GNG7: variants seen among roughly 807,000 people sequenced by gnomAD.
GNG7 encodes the protein G protein subunit gamma 7, also known as guanine nucleotide-binding protein G(I)/G(S)/G(O) subunit gamma-7.
A neutral mutation model predicts 4.0 loss-of-function variants in GNG7; 1 was observed. The observed-to-expected ratio is 0.25, with a 90% CI of 0.09 to 1.18. The LOEUF (loss-of-function observed/expected upper bound fraction) is 1.18, where lower values mean the gene tolerates loss of function less well. GNG7 is among the 50% of genes most tolerant of loss of function. The pLI, the probability that GNG7 is intolerant of heterozygous loss-of-function variation, is 0.50. For missense variants in GNG7, 86 were observed against 91.9 expected (o/e 0.94, Z 0.26); for synonymous variants, 34 against 36.9 (o/e 0.92, Z 0.29).
chr19:2,697,622 G>A (rs148647108), intron 1 of GNG7, among the ~76,000 whole-genome samples: 49 of 152,308 alleles, frequency 3.2e-4, no homozygotes, highest in African/African-American at 8.9e-4. Flanking sequence ...AGAGGCGCCC[G>A]ACATCAACAA....
chr19:2,648,381 G>A (rs920566044), intron 1 of GNG7, among the ~76,000 whole-genome samples: 10 of 152,136 alleles, frequency 6.6e-5, no homozygotes, highest in South Asian at 2.1e-4. Context: ...GGGCAACAGA[G>A]CACGGCACTG....
intron 4 of GNG7, among the ~76,000 whole-genome samples, chr19:2,518,359 A>C (rs1431539168): frequency 6.6e-6 from 1 of 152,182 alleles, no homozygotes; most frequent in Non-Finnish European, 1.5e-5. Flanking sequence ...TCGTAAAAGG[A>C]AAACCACTTC....
At chr19:2,651,808 C>T (rs894387848) in intron 1 of GNG7, among the ~76,000 whole-genome samples, 1 of 151,822 alleles carries the variant, frequency 6.6e-6, no homozygotes, top group East Asian at 2.0e-4. Flanking sequence ...TCAGGCAATC[C>T]ACCTGCTTCG....
chr19:2,678,838 C>T (rs1362792545), intron 1 of GNG7, among the ~76,000 whole-genome samples: 1 of 152,030 alleles, frequency 6.6e-6, no homozygotes, highest in Non-Finnish European at 1.5e-5. Flanking sequence ...TTGCACCAGC[C>T]AACCCATCCT....
At chr19:2,625,716 G>T (rs1982003345) in intron 2 of GNG7, among the ~76,000 whole-genome samples, 1 of 152,228 alleles carries the variant, frequency 6.6e-6, no homozygotes, top group African/African-American at 2.4e-5. Context: ...AGGGTGAGCA[G>T]GTAGCGCCCT....
At chr19:2,540,120 CTCCT>C (rs112722136) in intron 3 of GNG7, among the ~76,000 whole-genome samples, 172 of 119,300 alleles carry the variant, frequency 1.4e-3, no homozygotes, top group African/African-American at 5.2e-3. Flanking sequence ...CTTTTCTTTT[CTCCT>C]TCCTTCCTTC....
At chr19:2,519,120 C>A (rs1418563514) in intron 4 of GNG7, among the ~76,000 whole-genome samples, 2 of 140,456 alleles carry the variant, frequency 1.4e-5, no homozygotes, top group African/African-American at 5.2e-5. Flanking sequence ...TTAGATGTTG[C>A]TGTGAAGGTT....
At chr19:2,584,193 A>G (rs1239800927) in intron 2 of GNG7, among the ~76,000 whole-genome samples, 3 of 151,314 alleles carry the variant, frequency 2.0e-5, no homozygotes, top group African/African-American at 7.3e-5. Flanking sequence ...CTATAATCCT[A>G]CCACTTCGGG....
intron 3 of GNG7, among the ~76,000 whole-genome samples, chr19:2,552,854 C>G (rs956629278): frequency 1.2e-4 from 16 of 133,986 alleles, no homozygotes; most frequent in Admixed American, 3.2e-4. Context: ...CGGCTCCACC[C>G]CCCCCACCTC....
intron 1 of GNG7, among the ~76,000 whole-genome samples, chr19:2,693,649 C>T (rs907538834): frequency 3.9e-5 from 6 of 152,040 alleles, no homozygotes; most frequent in African/African-American, 1.2e-4. Context: ...CACTGCAGGG[C>T]GCTGAGCAGT....
chr19:2,519,662 G>A (rs1029700298), intron 4 of GNG7, among the ~76,000 whole-genome samples: 9 of 149,070 alleles, frequency 6.0e-5, no homozygotes, highest in South Asian at 4.2e-4. Context: ...GCAGGTGACC[G>A]TCTGTAATGC....
At chr19:2,606,725 A>G (rs193150881) in intron 2 of GNG7, among the ~76,000 whole-genome samples, 1 of 152,044 alleles carries the variant, frequency 6.6e-6, no homozygotes, top group Admixed American at 6.6e-5. Context: ...TCTCAAAAAT[A>G]AAAAGTCAGG....
chr19:2,589,634 G>T (rs1568254396), intron 2 of GNG7, among the ~76,000 whole-genome samples: 1 of 152,060 alleles, frequency 6.6e-6, no homozygotes, highest in East Asian at 1.9e-4. Flanking sequence ...TCAGATGATG[G>T]CAGCAGTAAG....
intron 2 of GNG7, among the ~76,000 whole-genome samples, chr19:2,593,243 C>A (rs1048675948): frequency 6.6e-6 from 1 of 151,996 alleles, no homozygotes; most frequent in Non-Finnish European, 1.5e-5. Context: ...TGGTCACCAA[C>A]GGCCTGATGT....
At chr19:2,610,154 T>TA (rs139177358) in intron 2 of GNG7, 1 of 151,494 alleles carries the variant, frequency 6.6e-6, no homozygotes, top group African/African-American at 2.4e-5. Context: ...TATTTATTAT[T>TA]ATTATTAATT....
In GNG7 at chr19:2,512,285, G is replaced by C. The variant is rs760176697; in HGVS notation, c.*2737C>G. On this transcript the variant is annotated 3_prime_UTR_variant, in exon 5 of 5. Coordinates refer to ENST00000382159, the MANE Select transcript of GNG7 (RefSeq NM_052847.3). The surrounding 1 kb of genome is among the most constrained non-coding windows in gnomAD (Gnocchi z 4.7). Reference sequence around the variant, plus strand: ...CGGCAGAAAAGCACATGTGGCGGTCGGTGTGTGCACTCGGGTGCCACGTCT... The same window carrying C: ...CGGCAGAAAAGCACATGTGGCGGTCCGTGTGTGCACTCGGGTGCCACGTCT... 32 of 985,810 alleles carry C rather than the reference G, an allele frequency of 3.2e-5. No homozygotes were observed. Among genetic ancestry groups the C allele is most frequent in the Non-Finnish European group, 3.9e-5 (32 of 829,934 alleles). The allele number at this position is 985,810 out of a possible 1,614,324, so 61.1% of individuals were successfully genotyped here.
intron 1 of GNG7, among the ~76,000 whole-genome samples, chr19:2,659,592 T>G (rs1399210045): frequency 2.3e-5 from 1 of 43,472 alleles, no homozygotes; most frequent in Non-Finnish European, 3.9e-5. Context: ...GACTCCATCT[T>G]AAAAAAAAAA....
chr19:2,513,521 C>T lies in GNG7; in HGVS notation c.*1501G>A, dbSNP rs990983823. On this transcript the variant is annotated 3_prime_UTR_variant, in exon 5 of 5. Coordinates refer to ENST00000382159, the MANE Select transcript of GNG7 (RefSeq NM_052847.3). ...CAGTCATCTTTCAGAAGCCTCCCCC[C>T]GACCCCATGACATCTTCGATTTCCA... 464 of 985,494 alleles carry T rather than the reference C, an allele frequency of 4.7e-4. 1 individual carries two copies. Among genetic ancestry groups the T allele is most frequent in the Non-Finnish European group, 5.3e-4 (444 of 830,088 alleles). The allele number at this position is 985,494 out of a possible 1,614,324, so 61.0% of individuals were successfully genotyped here. A position where few individuals can be genotyped will look rare whatever the true frequency, so the allele number is the denominator to read the frequency against.
At position 2,609,963 on chromosome 19, in the gene GNG7, C is replaced by T. The variant is rs963085189; in HGVS notation, c.-78+36261G>A. Among the ~76,000 whole-genome samples, 5 of 152,144 alleles carry T rather than the reference C, an allele frequency of 3.3e-5. No homozygotes were observed. Among genetic ancestry groups the T allele is most frequent in the South Asian group, 4.2e-4 (2 of 4,806 alleles). On this transcript the variant is annotated intron_variant, in intron 2 of 4. Transcript: ENST00000382159. The surrounding 1 kb of genome is among the most constrained non-coding windows in gnomAD (Gnocchi z 4.4). The stretch of plus-strand genomic sequence containing the variant: ...AACGGCCAAGGTCCGTCACTACCAC[C>T]GAGCACCTGCCAGGCTCCCCACCCA...
Sources: allele counts gnomAD v4.1 joint callset (sites outside exome capture counted in the v4.1 genomes callset), GRCh38; gene constraint gnomAD v4.1.1; non-coding constraint Gnocchi (gnomAD v3.1); transcripts MANE v1.5; gene names NCBI Gene and HGNC (gene_info 2026-07-23, HGNC 2026-07-21).